Variants in ATP6V0D1 observed in about 807,000 individuals in gnomAD.
The protein encoded by ATP6V0D1 is V-type proton ATPase subunit d 1.
A neutral mutation model predicts 39.0 loss-of-function variants in ATP6V0D1; 13 were observed. The ratio of observed to expected loss-of-function variants is 0.33; its 90% CI spans 0.22 to 0.53. The LOEUF (loss-of-function observed/expected upper bound fraction) is 0.53, where lower values mean the gene tolerates loss of function less well. Ranked by LOEUF, ATP6V0D1 falls within the 20% of genes least tolerant of loss-of-function variation. The pLI, the probability that ATP6V0D1 is intolerant of heterozygous loss-of-function variation, is 0.94. For missense variants in ATP6V0D1, 272 were observed against 470.9 expected (o/e 0.58, Z 3.91); for synonymous variants, 191 against 191.2 (o/e 1.00, Z 0.01).
At chr16:67,480,326 G>A (rs2041457877) in intron 1 of ATP6V0D1, among the ~76,000 whole-genome samples, 1 of 152,100 alleles carries the variant, frequency 6.6e-6, no homozygotes, top group African/African-American at 2.4e-5. Flanking sequence ...CCCCCTCGCT[G>A]AGGGGGTGGG....
At position 67,479,213 on chromosome 16, in the gene ATP6V0D1, AT is replaced by A. The variant is rs574026889; in HGVS notation, c.130+1743del. On this transcript the variant is annotated intron_variant, in intron 1 of 7. Transcript: ENST00000290949. Reference sequence around the variant, plus strand: ...AACACCTACAATTATTGTACTGCCGATTTTTTTTTTTTTTTGAGACGGGGTC... The same window carrying A: ...AACACCTACAATTATTGTACTGCCGATTTTTTTTTTTTTTGAGACGGGGTC... 2.0e-3 allele frequency among the ~76,000 whole-genome samples: 288 copies of A among 142,078 alleles called. 1 individual carries two copies. The highest frequency in any genetic ancestry group is 2.0e-3 in the Admixed American group (29 of 14,218). 93.2% of individuals were successfully genotyped at this position (142,078 alleles called of 152,430 possible).
At chr16:67,442,210 G>A (rs2041061007) in intron 4 of ATP6V0D1, among the ~76,000 whole-genome samples, 1 of 152,250 alleles carries the variant, frequency 6.6e-6, no homozygotes, top group Admixed American at 6.5e-5. Context: ...CTGGGCTCAG[G>A]CTGCAGCCAA....
Position 67,453,462 on chromosome 16 carries a change from C to T in ATP6V0D1, c.302+82G>A. On this transcript the variant is annotated intron_variant, in intron 2 of 7. Coordinates refer to ENST00000290949, the MANE Select transcript of ATP6V0D1 (RefSeq NM_004691.5). This position sits in a 1 kb window ranked among gnomAD's most constrained non-coding sequence, Gnocchi z 4.1. The stretch of plus-strand genomic sequence containing the variant: ...CTGACACAGGCACGAAGGCAGCTAG[C>T]CTAAGCCACACTGAACCCAGCTCCT... 6.5e-7 allele frequency: 1 copy of T among 1,538,834 alleles called. No individual in the cohort carries two copies.
Position 67,456,609 on chromosome 16 carries a change from C to A in ATP6V0D1, c.131-2894G>T, listed in dbSNP as rs1268350365. 1 of 152,260 alleles carries A rather than the reference C, an allele frequency of 6.6e-6. No individual in the cohort carries two copies. Among genetic ancestry groups the A allele is most frequent in the African/African-American group, 2.4e-5 (1 of 41,470 alleles). The allele number at this position is 152,260 out of a possible 1,614,324, so 9.4% of individuals were successfully genotyped here. On this transcript the variant is annotated intron_variant, in intron 1 of 7. Coordinates refer to ENST00000290949, the MANE Select transcript of ATP6V0D1 (RefSeq NM_004691.5). The surrounding 1 kb of genome is among the most constrained non-coding windows in gnomAD (Gnocchi z 4.1). The stretch of plus-strand genomic sequence containing the variant: ...CTGGTGCGGCAGCTGCCAGACCAAA[C>A]CTGTCTGCTTATTCACACAGCCACT...
At chr16:67,442,499 C>A (rs1395538378) in intron 4 of ATP6V0D1, among the ~76,000 whole-genome samples, 1 of 151,518 alleles carries the variant, frequency 6.6e-6, no homozygotes, top group East Asian at 1.9e-4. Flanking sequence ...CCTCTCCGGT[C>A]CCCTGGCTCT....
chr16:67,457,840 G>A (rs2041253488), intron 1 of ATP6V0D1, among the ~76,000 whole-genome samples: 1 of 152,210 alleles, frequency 6.6e-6, no homozygotes, highest in Non-Finnish European at 1.5e-5. Context: ...GAACGCAGGC[G>A]GCTGGGTGGT....
At chr16:67,443,495 T>C in intron 3 of ATP6V0D1, 1 of 307,586 alleles carries the variant, frequency 3.3e-6, no homozygotes, top group Non-Finnish European at 6.2e-6. Context: ...TAAGAGGCCA[T>C]GACATCCTCC....
At chr16:67,477,460 T>C (rs2041424643) in intron 1 of ATP6V0D1, among the ~76,000 whole-genome samples, 1 of 152,194 alleles carries the variant, frequency 6.6e-6, no homozygotes, top group Admixed American at 6.5e-5. Flanking sequence ...TTTTCAGAGA[T>C]GCTGAAATAT....
chr16:67,461,650 C>T (rs2041290168), intron 1 of ATP6V0D1, among the ~76,000 whole-genome samples: 1 of 152,234 alleles, frequency 6.6e-6, no homozygotes, highest in African/African-American at 2.4e-5. Context: ...ACAGTAAGTT[C>T]TCCTTCCTCG....
intron 1 of ATP6V0D1, among the ~76,000 whole-genome samples, chr16:67,471,379 G>T (rs2041371606): frequency 6.6e-6 from 1 of 151,920 alleles, no homozygotes; most frequent in Non-Finnish European, 1.5e-5. Context: ...AGTAGATATG[G>T]GGGTTTCACC....
At chr16:67,461,150 T>G (rs2041286548) in intron 1 of ATP6V0D1, among the ~76,000 whole-genome samples, 1 of 152,220 alleles carries the variant, frequency 6.6e-6, no homozygotes, top group Admixed American at 6.5e-5. Flanking sequence ...TTGCTTAGGC[T>G]GTCCTACTAA....
intron 5 of ATP6V0D1, 46 bp downstream of exon 5, chr16:67,439,228 C>T (rs1156392293): frequency 2.5e-6 from 4 of 1,614,056 alleles, no homozygotes; most frequent in East Asian, 2.2e-5. Flanking sequence ...CTCCCCAGGC[C>T]AGGGCTAGCG....
chr16:67,439,404 T>C (rs1300184398), intron 4 of ATP6V0D1, 53 bp from the exon 5 acceptor site: 1 of 1,568,090 alleles, frequency 6.4e-7, no homozygotes, highest in Non-Finnish European at 8.8e-7. Context: ...CTGGAGGGCT[T>C]GCTAGGCACA....
chr16:67,445,472 T>C (rs2142303078), intron 2 of ATP6V0D1, among the ~76,000 whole-genome samples: 1 of 152,254 alleles, frequency 6.6e-6, no homozygotes, highest in East Asian at 1.9e-4. Context: ...CAGTGGGGGT[T>C]CTCTGGAATG....
chr16:67,481,157 T>A lies in ATP6V0D1; in HGVS notation c.-71A>T, dbSNP rs1483440523. ...ACGAATCGCGACTCCCCAGGTCAGC[T>A]GACGCTGCGTCCTCAGCGGGCTGTC... On this transcript the variant is annotated 5_prime_UTR_variant, in exon 1 of 8. Coordinates refer to ENST00000290949, the MANE Select transcript of ATP6V0D1 (RefSeq NM_004691.5). The A allele has an allele frequency of 1.9e-6, 3 of 1,597,414 alleles. No individual in the cohort carries two copies. Among genetic ancestry groups the A allele is most frequent in the South Asian group, 2.2e-5 (2 of 89,470 alleles).
At position 67,447,580 on chromosome 16, in the gene ATP6V0D1, C is replaced by T. The variant is rs567667550; in HGVS notation, c.303-2874G>A. On this transcript the variant is annotated intron_variant, in intron 2 of 7. Coordinates refer to ENST00000290949, the MANE Select transcript of ATP6V0D1 (RefSeq NM_004691.5). This position sits in a 1 kb window ranked among gnomAD's most constrained non-coding sequence, Gnocchi z 4.1. Reference sequence around the variant, plus strand: ...GGAAGACAGCTGGGGAGTGGAGGGCCGGCTGCCCGCCAGGCCAAAGAGGCC... The same window carrying T: ...GGAAGACAGCTGGGGAGTGGAGGGCTGGCTGCCCGCCAGGCCAAAGAGGCC... Among the ~76,000 whole-genome samples the T allele has an allele frequency of 5.9e-5, 9 of 152,112 alleles. No individual in the cohort carries two copies. The highest frequency in any genetic ancestry group is 1.9e-4 in the East Asian group (1 of 5,174).
rs1201221800 is a variant in ATP6V0D1, at chr16:67,438,427, C to A, written c.*101G>T. The A allele has an allele frequency of 4.4e-5, 62 of 1,425,274 alleles. No individual in the cohort carries two copies. Among genetic ancestry groups the A allele is most frequent in the Non-Finnish European group, 5.9e-5 (62 of 1,049,594 alleles). The allele number at this position is 1,425,274 out of a possible 1,614,324, so 88.3% of individuals were successfully genotyped here. A position where few individuals can be genotyped will look rare whatever the true frequency, so the allele number is the denominator to read the frequency against. ...ACTACACCCCGGACAGGCAGGTGAG[C>A]CACAGGCTTGTCACAGACCACATAC... On this transcript the variant is annotated 3_prime_UTR_variant, in exon 8 of 8. Coordinates refer to ENST00000290949, the MANE Select transcript of ATP6V0D1 (RefSeq NM_004691.5).
chr16:67,442,409 G>A (rs1421829270), intron 4 of ATP6V0D1, among the ~76,000 whole-genome samples: 1 of 151,918 alleles, frequency 6.6e-6, no homozygotes, highest in Non-Finnish European at 1.5e-5. Context: ...CGCAGCCAGA[G>A]CAGAGTCTAT....
At position 67,447,780 on chromosome 16, in the gene ATP6V0D1, T is replaced by C. The variant is rs2041134424; in HGVS notation, c.303-3074A>G. Among the ~76,000 whole-genome samples, 1 of 152,224 alleles carries C rather than the reference T, an allele frequency of 6.6e-6. No homozygotes were observed. Among genetic ancestry groups the C allele is most frequent in the African/African-American group, 2.4e-5 (1 of 41,470 alleles). On this transcript the variant is annotated intron_variant, in intron 2 of 7. Transcript: ENST00000290949. This position sits in a 1 kb window ranked among gnomAD's most constrained non-coding sequence, Gnocchi z 4.1. ...AACTCTGCCCCTCTGCTGCGCCCTTTGGTGCCACCTGCTGGAACAATATGG... is the reference window on the plus strand; with the variant it reads ...AACTCTGCCCCTCTGCTGCGCCCTTCGGTGCCACCTGCTGGAACAATATGG...
Sources: allele counts gnomAD v4.1 joint callset (sites outside exome capture counted in the v4.1 genomes callset), GRCh38; gene constraint gnomAD v4.1.1; non-coding constraint Gnocchi (gnomAD v3.1); transcripts MANE v1.5; gene names NCBI Gene and HGNC (gene_info 2026-07-23, HGNC 2026-07-21).